Variants in PTPRG observed in about 807,000 individuals in gnomAD.
The protein encoded by PTPRG is protein tyrosine phosphatase receptor type G.
A neutral mutation model predicts 165.3 loss-of-function variants in PTPRG; 102 were observed. The ratio of observed to expected loss-of-function variants is 0.62; its 90% CI spans 0.53 to 0.73. PTPRG has a LOEUF of 0.73. PTPRG is among the 30% of genes least tolerant of loss of function. PTPRG has a pLI of 0.00. For missense variants in PTPRG, 1,866 were observed against 1,861.4 expected (o/e 1.00, Z -0.05); for synonymous variants, 675 against 669.5 (o/e 1.01, Z -0.13).
At chr3:62,049,578 G>T (rs953505766) in intron 4 of PTPRG, among the ~76,000 whole-genome samples, 3 of 151,872 alleles carry the variant, frequency 2.0e-5, no homozygotes, top group Non-Finnish European at 4.4e-5. Flanking sequence ...ATCATCAACT[G>T]GAGTGGAATG....
At chr3:61,830,903 G>A (rs1249234491) in intron 2 of PTPRG, among the ~76,000 whole-genome samples, 2 of 152,178 alleles carry the variant, frequency 1.3e-5, no homozygotes, top group Non-Finnish European at 1.5e-5. Flanking sequence ...AGGTATAAAT[G>A]CATCAAAATT....
chr3:61,900,990 T>C (rs1425647231), intron 2 of PTPRG, among the ~76,000 whole-genome samples: 3 of 152,172 alleles, frequency 2.0e-5, no homozygotes, highest in Non-Finnish European at 4.4e-5. Flanking sequence ...GAAATAAGCA[T>C]AGAAACTTGT....
At chr3:62,227,611 G>GT (rs1218678169) in intron 13 of PTPRG, among the ~76,000 whole-genome samples, 1 of 152,294 alleles carries the variant, frequency 6.6e-6, no homozygotes, top group South Asian at 2.1e-4. Flanking sequence ...AGGGTTTTGG[G>GT]TTTTTTGTTG....
At chr3:62,281,997 G>GT (rs1427409059) in intron 27 of PTPRG, among the ~76,000 whole-genome samples, 1 of 151,976 alleles carries the variant, frequency 6.6e-6, no homozygotes, top group Non-Finnish European at 1.5e-5. Flanking sequence ...CATCAGAAAT[G>GT]TAAGCTTTGC....
At chr3:61,795,072 C>G (rs1339840090) in intron 2 of PTPRG, among the ~76,000 whole-genome samples, 1 of 152,142 alleles carries the variant, frequency 6.6e-6, no homozygotes, top group Admixed American at 6.5e-5. Context: ...TGTCAAGTGT[C>G]TCATTTAATC....
rs529261431 is a variant in PTPRG at position 62,022,265 on chromosome 3, T to C, written c.519+18768T>C. Among the ~76,000 whole-genome samples, 9 of 152,348 alleles carry C rather than the reference T, an allele frequency of 5.9e-5. No homozygotes were observed. In the South Asian group the frequency reaches 1.9e-3, roughly 32 times the overall value. On this transcript the variant is annotated intron_variant, in intron 4 of 29. Transcript: ENST00000474889. ...AAATAAAAGAATGAACCCACTATTA[T>C]TTGTCTTAACTAATTTCAACATGTG...
chr3:62,051,367 T>G (rs557875521), intron 4 of PTPRG, among the ~76,000 whole-genome samples: 5 of 152,192 alleles, frequency 3.3e-5, no homozygotes, highest in Non-Finnish European at 7.3e-5. Context: ...ATCTGCTCTT[T>G]CAGCAAGCCT....
At chr3:61,659,949 G>A (rs4688652) in intron 1 of PTPRG, among the ~76,000 whole-genome samples, 110,939 of 152,016 alleles carry the variant, frequency 0.73, 42,484 homozygotes, top group South Asian at 0.9. Context: ...AATTCTGGCC[G>A]GGCGCGGTGG....
intron 15 of PTPRG, among the ~76,000 whole-genome samples, chr3:62,246,960 C>T (rs1312243263): frequency 6.6e-6 from 1 of 152,034 alleles, no homozygotes; most frequent in African/African-American, 2.4e-5. Context: ...AAAATATGTG[C>T]AGCAGGGTGA....
At chr3:61,962,056 T>C (rs1356793181) in intron 2 of PTPRG, among the ~76,000 whole-genome samples, 1 of 152,054 alleles carries the variant, frequency 6.6e-6, no homozygotes, top group East Asian at 1.9e-4. Context: ...CTGCTAAGGA[T>C]TTTAGGGTTG....
At chr3:62,018,562 C>G (rs1455631867) in intron 4 of PTPRG, among the ~76,000 whole-genome samples, 1 of 152,162 alleles carries the variant, frequency 6.6e-6, no homozygotes, top group Admixed American at 6.5e-5. Context: ...GCCTGAAATT[C>G]CATTATTTGA....
chr3:61,691,489 C>T (rs1479350969), intron 1 of PTPRG, among the ~76,000 whole-genome samples: 2 of 152,082 alleles, frequency 1.3e-5, no homozygotes, highest in African/African-American at 4.8e-5. Flanking sequence ...AGGATCAGGA[C>T]CATCCTAAAT....
intron 2 of PTPRG, among the ~76,000 whole-genome samples, chr3:61,783,451 T>G (rs186834810): frequency 1.8e-3 from 271 of 152,290 alleles, no homozygotes; most frequent in Middle Eastern, 6.8e-3. Context: ...AGATGCCAGT[T>G]CACACAGTAT....
At position 62,035,805 on chromosome 3, in the gene PTPRG, C is replaced by T. The variant is rs1014455680; in HGVS notation, c.519+32308C>T. On this transcript the variant is annotated intron_variant, in intron 4 of 29. Coordinates refer to ENST00000474889, the MANE Select transcript of PTPRG (RefSeq NM_002841.4). ...GGCGAGTGCATCCAATGCACAATTT[C>T]CTTGTTTTAAATGCAGTCTTTGTTG... 1.6e-4 allele frequency among the ~76,000 whole-genome samples: 24 copies of T among 152,304 alleles called. No homozygotes were observed. The South Asian group carries it at 2.9e-3, about 18-fold the overall frequency.
intron 5 of PTPRG, among the ~76,000 whole-genome samples, chr3:62,117,425 T>C (rs1702905174): frequency 1.3e-5 from 2 of 152,194 alleles, no homozygotes; most frequent in Admixed American, 6.5e-5. Flanking sequence ...TTAAATTACA[T>C]TTGCAGGGAT....
intron 2 of PTPRG, among the ~76,000 whole-genome samples, chr3:61,980,480 A>T (rs1000881231): frequency 6.6e-6 from 1 of 152,182 alleles, no homozygotes; most frequent in African/African-American, 2.4e-5. Flanking sequence ...GGGAAAGAAG[A>T]TAGGAAGAAA....
intron 2 of PTPRG, among the ~76,000 whole-genome samples, chr3:61,879,321 C>T (rs1404305273): frequency 6.6e-6 from 1 of 152,156 alleles, no homozygotes; most frequent in Non-Finnish European, 1.5e-5. Flanking sequence ...AATATTAGAG[C>T]AGTTTTAAGT....
chr3:61,726,780 G>A (rs537926006), intron 1 of PTPRG, among the ~76,000 whole-genome samples: 12 of 152,282 alleles, frequency 7.9e-5, no homozygotes, highest in African/African-American at 2.4e-4. Flanking sequence ...GGGTGCGGTG[G>A]CTCACGCCTG....
intron 8 of PTPRG, among the ~76,000 whole-genome samples, chr3:62,179,689 G>T (rs1252317585): frequency 6.6e-6 from 1 of 152,248 alleles, no homozygotes; most frequent in African/African-American, 2.4e-5. Context: ...CTCTCGGGCA[G>T]TGCCTGCCCA....
Sources: gnomAD v4.1 joint callset for allele counts (sites outside exome capture counted in the v4.1 genomes callset) on GRCh38, gnomAD v4.1.1 for gene constraint, MANE v1.5 for transcripts, NCBI Gene and HGNC (gene_info 2026-07-23, HGNC 2026-07-21) for gene names.